The following THADA variants were observed in gnomAD, a reference collection of about 807,000 sequenced individuals.
THADA encodes THADA armadillo repeat containing.
A neutral mutation model predicts 219.8 loss-of-function variants in THADA; 213 were observed. That is an observed-to-expected ratio of 0.97 (90% CI 0.87 to 1.09). The LOEUF is 1.09. Ranked by LOEUF, THADA falls within the 50% of genes least tolerant of loss-of-function variation. THADA has a pLI of 0.00. For missense variants in THADA, 2,956 were observed against 2,311.3 expected (o/e 1.28, Z -5.72); for synonymous variants, 1,018 against 828.9 (o/e 1.23, Z -3.92).
chr2:43,326,684 G>A (rs374973186), intron 30 of THADA, among the ~76,000 whole-genome samples: 3 of 152,212 alleles, frequency 2.0e-5, no homozygotes, highest in African/African-American at 7.2e-5. Context: ...ACAGGGGCCC[G>A]AAACAGAAGT....
intron 30 of THADA, among the ~76,000 whole-genome samples, chr2:43,341,608 A>C (rs981486673): frequency 6.6e-6 from 1 of 152,188 alleles, no homozygotes; most frequent in African/African-American, 2.4e-5. Context: ...ACTTTCTACG[A>C]GATGCATGAA....
rs183739182 is a variant in THADA at position 43,480,950 on chromosome 2, T to C, written c.3836+4284A>G. 3.9e-5 allele frequency among the ~76,000 whole-genome samples: 6 copies of C among 152,356 alleles called. No homozygotes were observed. In the East Asian group the frequency reaches 1.2e-3, roughly 29 times the overall value. ...TTCGAAGCAAATAAGCTATTCTGAA[T>C]TCTAATAATTACATTCTCTAAAATA... On this transcript the variant is annotated intron_variant, in intron 26 of 37. Transcript: ENST00000405975.
In THADA at chr2:43,343,979, A is replaced by G. The variant is rs144468917; in HGVS notation, c.4343+143T>C. On this transcript the variant is annotated intron_variant, in intron 30 of 37. Coordinates refer to ENST00000405975, the MANE Select transcript of THADA (RefSeq NM_022065.5). ...TATTTTTCTTTCTTTACCACAACCC[A>G]AAGTTCTAAAAGGATAAATACTCCA... 289 of 581,428 alleles carry G rather than the reference A, an allele frequency of 5.0e-4. 2 individuals are homozygous for G. The East Asian group carries it at 7.6e-3, about 15-fold the overall frequency. 36.0% of individuals were successfully genotyped at this position (581,428 alleles called of 1,614,324 possible).
intron 36 of THADA, among the ~76,000 whole-genome samples, chr2:43,272,246 TTA>T (rs1672210532): frequency 1.3e-5 from 2 of 152,200 alleles, no homozygotes; most frequent in Admixed American, 6.5e-5. Flanking sequence ...GGGTAGGATT[TTA>T]TATGTTGCCT....
At chr2:43,560,749 G>A (rs1361163185) in intron 15 of THADA, among the ~76,000 whole-genome samples, 1 of 152,146 alleles carries the variant, frequency 6.6e-6, no homozygotes, top group African/African-American at 2.4e-5. Flanking sequence ...AGGCTCAGCG[G>A]CTCACACCTG....
intron 23 of THADA, among the ~76,000 whole-genome samples, chr2:43,508,260 C>A (rs1573993439): frequency 6.6e-6 from 1 of 151,976 alleles, no homozygotes; most frequent in African/African-American, 2.4e-5. Flanking sequence ...ACACTGGTTG[C>A]CTACAGAGAG....
At chr2:43,463,429 T>C (rs1000023158) in intron 26 of THADA, among the ~76,000 whole-genome samples, 4 of 152,342 alleles carry the variant, frequency 2.6e-5, no homozygotes, top group South Asian at 2.1e-4. Context: ...TAGGGCGTGA[T>C]TGACAGGTCA....
At chr2:43,235,120 C>T (rs1667884704) in intron 36 of THADA, among the ~76,000 whole-genome samples, 1 of 151,798 alleles carries the variant, frequency 6.6e-6, no homozygotes, top group Non-Finnish European at 1.5e-5. Context: ...ACTGGGATTA[C>T]AGGCTCCTGC....
chr2:43,520,102 A>G (rs1411098965), intron 22 of THADA, among the ~76,000 whole-genome samples: 1 of 152,218 alleles, frequency 6.6e-6, no homozygotes, highest in African/African-American at 2.4e-5. Context: ...GCAAGGATAT[A>G]AAAAGAAAGG....
chr2:43,549,171 C>T (rs2103866366), intron 20 of THADA, 39 bp downstream of exon 20: 11 of 1,487,086 alleles, frequency 7.4e-6, no homozygotes, highest in Non-Finnish European at 9.9e-6. Context: ...TTACTGGTTA[C>T]TTAAACATGA....
At chr2:43,496,339 T>C (rs1295626058) in intron 25 of THADA, among the ~76,000 whole-genome samples, 2 of 152,222 alleles carry the variant, frequency 1.3e-5, no homozygotes, top group Non-Finnish European at 1.5e-5. Flanking sequence ...CCAACAATTG[T>C]ACTGGGTATT....
At chr2:43,454,413 C>A (rs748135548) in intron 26 of THADA, among the ~76,000 whole-genome samples, 1 of 152,006 alleles carries the variant, frequency 6.6e-6, no homozygotes, top group Non-Finnish European at 1.5e-5. Context: ...CCAGCCTGGG[C>A]AACATGGTGA....
intron 36 of THADA, among the ~76,000 whole-genome samples, chr2:43,236,934 T>C (rs1173821509): frequency 6.8e-6 from 1 of 147,718 alleles, no homozygotes; most frequent in Non-Finnish European, 1.5e-5. Flanking sequence ...TAGCCAGGCA[T>C]GGTGGTGGGC....
At chr2:43,519,100 T>C (rs541138879) in intron 22 of THADA, among the ~76,000 whole-genome samples, 4 of 152,182 alleles carry the variant, frequency 2.6e-5, no homozygotes, top group African/African-American at 9.6e-5. Flanking sequence ...GACAGTTCAG[T>C]GAGCGGATCT....
At chr2:43,270,938 G>C (rs1204003925) in intron 36 of THADA, among the ~76,000 whole-genome samples, 1 of 152,200 alleles carries the variant, frequency 6.6e-6, no homozygotes, top group African/African-American at 2.4e-5. Flanking sequence ...GGGATAAAAT[G>C]AAACAGGAGC....
intron 22 of THADA, among the ~76,000 whole-genome samples, chr2:43,519,549 T>C (rs1462995328): frequency 6.6e-6 from 1 of 152,196 alleles, no homozygotes; most frequent in Non-Finnish European, 1.5e-5. Context: ...CTTAGTCCCT[T>C]ATTCAAGTCC....
intron 29 of THADA, among the ~76,000 whole-genome samples, chr2:43,374,499 T>C (rs1671158792): frequency 6.6e-6 from 1 of 152,186 alleles, no homozygotes; most frequent in Non-Finnish European, 1.5e-5. Flanking sequence ...ATAGTATTAT[T>C]ACAAAGCAAA....
At chr2:43,280,651 A>G (rs537097644) in intron 35 of THADA, among the ~76,000 whole-genome samples, 6 of 152,132 alleles carry the variant, frequency 3.9e-5, no homozygotes, top group Admixed American at 3.9e-4. Flanking sequence ...CAAAAAAACA[A>G]AAAACAAAAC....
intron 26 of THADA, among the ~76,000 whole-genome samples, chr2:43,431,265 G>A (rs151107677): frequency 2.8e-4 from 42 of 152,126 alleles, no homozygotes; most frequent in Non-Finnish European, 5.7e-4. Context: ...CTGTGATCAA[G>A]TGTACCATTC....
Sources: gnomAD v4.1 joint callset for allele counts (sites outside exome capture counted in the v4.1 genomes callset) on GRCh38, gnomAD v4.1.1 for gene constraint, MANE v1.5 for transcripts, NCBI Gene and HGNC (gene_info 2026-07-23, HGNC 2026-07-21) for gene names.